The following NUP210L variants were observed in gnomAD, a reference collection of about 807,000 sequenced individuals.
NUP210L encodes the protein nucleoporin 210 like, also known as nuclear pore membrane glycoprotein 210-like.
NUP210L carries 74 observed loss-of-function variants against 208.5 expected under a neutral mutation model. The observed-to-expected ratio is 0.35, with a 90% CI of 0.29 to 0.43. The LOEUF is 0.43. NUP210L is among the 20% of genes least tolerant of loss of function. The pLI, the probability that NUP210L is intolerant of heterozygous loss-of-function variation, is 1.00. For missense variants in NUP210L, 1,843 were observed against 2,289.4 expected (o/e 0.81, Z 3.98); for synonymous variants, 780 against 816.9 (o/e 0.95, Z 0.77).
At chr1:154,146,419 CAGG>C (rs1659112842) in intron 2 of NUP210L, among the ~76,000 whole-genome samples, 1 of 151,898 alleles carries the variant, frequency 6.6e-6, no homozygotes, top group Non-Finnish European at 1.5e-5. Context: ...CGCTTAAGCC[CAGG>C]AGTTCAAGAT....
intron 29 of NUP210L, 106 bp from the exon 30 acceptor site, chr1:154,025,822 C>T: frequency 2.2e-6 from 2 of 892,146 alleles, no homozygotes; most frequent in Non-Finnish European, 3.4e-6. Flanking sequence ...CTCGAGAAAA[C>T]TGCTTGCCAT....
intron 12 of NUP210L, among the ~76,000 whole-genome samples, chr1:154,115,123 A>G (rs1278123076): frequency 6.6e-6 from 1 of 152,132 alleles, no homozygotes; most frequent in Admixed American, 6.6e-5. Flanking sequence ...CTAATCTACT[A>G]GTCTATAGCA....
intron 2 of NUP210L, among the ~76,000 whole-genome samples, chr1:154,151,388 A>G (rs550577424): frequency 2.4e-4 from 37 of 152,050 alleles, no homozygotes; most frequent in African/African-American, 8.5e-4. Context: ...GGCAGCAGTC[A>G]AGATATAGTT....
chr1:154,114,025 C>T (rs1390285686), intron 12 of NUP210L, among the ~76,000 whole-genome samples: 1 of 151,326 alleles, frequency 6.6e-6, no homozygotes, highest in African/African-American at 2.4e-5. Flanking sequence ...CGCCTGTAAT[C>T]CCAGCTACTC....
At chr1:154,116,447 G>A (rs951514485) in intron 12 of NUP210L, among the ~76,000 whole-genome samples, 2 of 151,362 alleles carry the variant, frequency 1.3e-5, no homozygotes, top group African/African-American at 4.9e-5. Flanking sequence ...AAAAAAATGG[G>A]GCTGGGTACA....
At chr1:154,040,652 T>C (rs1652822542) in intron 27 of NUP210L, among the ~76,000 whole-genome samples, 1 of 150,634 alleles carries the variant, frequency 6.6e-6, no homozygotes, top group East Asian at 2.0e-4. Context: ...AGTGGCGTGA[T>C]CTTGGCTCAC....
chr1:153,993,070 G>C (rs1486210856), exon 39 of NUP210L: 2 of 1,613,398 alleles, frequency 1.2e-6, no homozygotes, highest in South Asian at 1.1e-5. Flanking sequence ...TTTGTATCTT[G>C]TTTAGGAAGG....
At chr1:153,999,915 C>T (rs1650112100) in intron 37 of NUP210L, among the ~76,000 whole-genome samples, 1 of 151,312 alleles carries the variant, frequency 6.6e-6, no homozygotes, top group Non-Finnish European at 1.5e-5. Context: ...GCCTTGAACT[C>T]CTGGTCTCAA....
chr1:154,042,500 C>A (rs1159584968), intron 27 of NUP210L, among the ~76,000 whole-genome samples: 1 of 152,104 alleles, frequency 6.6e-6, no homozygotes, highest in Non-Finnish European at 1.5e-5. Flanking sequence ...AATCTCGCCT[C>A]CCTGCAAGCT....
exon 6 of NUP210L, chr1:154,138,214 G>A: frequency 6.5e-7 from 1 of 1,539,846 alleles, no homozygotes; most frequent in Non-Finnish European, 8.6e-7. Context: ...AAAACAAGCA[G>A]ACGTATTAAG....
chr1:154,046,384 G>A lies in NUP210L; in HGVS notation c.3484-15C>T. 6.2e-7 allele frequency: 1 copy of A among 1,610,264 alleles called. No homozygotes were observed. Among genetic ancestry groups the A allele is most frequent in the South Asian group, 1.1e-5 (1 of 90,930 alleles). On this transcript the variant is annotated splice_polypyrimidine_tract_variant and intron_variant, in intron 25 of 39. Coordinates refer to ENST00000368559, the Ensembl canonical transcript of NUP210L. ...TGTACTTCATCCTGCTCAACAGGGT[G>A]GAGAGCAAGCTTAGGCTAAGAGGGA... is the stretch of plus-strand genomic sequence containing the variant.
rs148192499 is a variant in NUP210L at position 154,128,804 on chromosome 1, A to G, written c.1078+473T>C. 2.7e-3 allele frequency among the ~76,000 whole-genome samples: 402 copies of G among 151,174 alleles called. 2 individuals are homozygous for G. Among genetic ancestry groups the G allele is most frequent in the African/African-American group, 9.3e-3 (383 of 41,184 alleles). ...AGAGGTTGCAGTCAGCCAAGATCAC[A>G]CCACTGCATTCCAGCCTGGGTGACA... On this transcript the variant is annotated intron_variant, in intron 8 of 39. Coordinates refer to ENST00000368559, the Ensembl canonical transcript of NUP210L.
chr1:154,010,270 A>G, intron 34 of NUP210L, 149 bp from the exon 35 acceptor site: 5 of 636,146 alleles, frequency 7.9e-6, no homozygotes, highest in Non-Finnish European at 1.3e-5. Context: ...TGCTTCAATC[A>G]AGGTGAAAGA....
intron 12 of NUP210L, among the ~76,000 whole-genome samples, chr1:154,116,242 G>C (rs1657323011): frequency 7.1e-6 from 1 of 140,652 alleles, no homozygotes; most frequent in Non-Finnish European, 1.5e-5. Flanking sequence ...GCGACAGAAA[G>C]AGACTCCATC....
chr1:154,115,605 C>G (rs1343150822), intron 12 of NUP210L, among the ~76,000 whole-genome samples: 1 of 152,172 alleles, frequency 6.6e-6, no homozygotes, highest in Non-Finnish European at 1.5e-5. Context: ...TCAAGTAGTT[C>G]TCAGTCATAC....
chr1:154,147,097 T>C (rs1282414201), intron 2 of NUP210L, among the ~76,000 whole-genome samples: 2 of 152,152 alleles, frequency 1.3e-5, no homozygotes, highest in Non-Finnish European at 2.9e-5. Context: ...TTTTAATGAA[T>C]AGCATATACA....
chr1:154,083,911 G>T (rs1033211969), intron 16 of NUP210L, among the ~76,000 whole-genome samples: 2 of 151,992 alleles, frequency 1.3e-5, no homozygotes, highest in Non-Finnish European at 1.5e-5. Context: ...ACCTTGTCAT[G>T]AATGGTATGA....
intron 27 of NUP210L, among the ~76,000 whole-genome samples, chr1:154,045,335 T>C (rs1653111960): frequency 6.8e-6 from 1 of 147,752 alleles, no homozygotes; most frequent in African/African-American, 2.4e-5. Flanking sequence ...ACAACCATGA[T>C]TATGAATATA....
chr1:154,023,927 A>G (rs1651702923), intron 30 of NUP210L, among the ~76,000 whole-genome samples: 1 of 151,882 alleles, frequency 6.6e-6, no homozygotes, highest in Non-Finnish European at 1.5e-5. Context: ...AGCTGAGATT[A>G]CAGGCGCCCG....
Sources: allele counts gnomAD v4.1 joint callset (sites outside exome capture counted in the v4.1 genomes callset), GRCh38; gene constraint gnomAD v4.1.1; transcripts MANE v1.5; gene names NCBI Gene and HGNC (gene_info 2026-07-23, HGNC 2026-07-21).